VPS53: variants seen among roughly 807,000 people sequenced by gnomAD.
VPS53 encodes the protein VPS53 subunit of GARP complex, also known as vacuolar protein sorting-associated protein 53 homolog.
In VPS53, 70 loss-of-function variants were observed where a neutral mutation model predicts 107.0. The ratio of observed to expected loss-of-function variants is 0.65; its 90% CI spans 0.54 to 0.80. VPS53 has a LOEUF of 0.80. VPS53 is among the 30% of genes least tolerant of loss of function. The pLI, the probability that VPS53 is intolerant of heterozygous loss-of-function variation, is 0.00. For synonymous variants in VPS53, 409 were observed against 393.3 expected, an observed-to-expected ratio of 1.04 and a Z score of -0.47; for missense variants, 917 against 1,049.4, an observed-to-expected ratio of 0.87 and a Z score of 1.74.
chr17:608,423 C>T (rs148022534), intron 11 of VPS53, among the ~76,000 whole-genome samples: 2,364 of 152,128 alleles, frequency 0.016, 24 homozygotes, highest in Middle Eastern at 0.031. Flanking sequence ...GTAAACAAAA[C>T]AAAAAGCCTG....
chr17:544,953 C>G (rs747358256), intron 17 of VPS53, among the ~76,000 whole-genome samples: 91 of 151,972 alleles, frequency 6.0e-4, no homozygotes, highest in Non-Finnish European at 1.9e-4. Context: ...TGGTGGTGTG[C>G]GCCAGTAGTA....
intron 12 of VPS53, among the ~76,000 whole-genome samples, chr17:598,857 C>G (rs1968149311): frequency 1.3e-5 from 1 of 74,466 alleles, no homozygotes; most frequent in African/African-American, 4.7e-5. Context: ...GCCACCCCGT[C>G]CGGGAGGGAG....
At chr17:677,859 C>T (rs1161763182) in intron 4 of VPS53, among the ~76,000 whole-genome samples, 1 of 152,088 alleles carries the variant, frequency 6.6e-6, no homozygotes, top group East Asian at 1.9e-4. Flanking sequence ...GTGGCTCACA[C>T]CTGTAATCCC....
intron 7 of VPS53, among the ~76,000 whole-genome samples, chr17:642,844 G>C (rs71355286): frequency 3.4e-4 from 45 of 132,984 alleles, no homozygotes; most frequent in African/African-American, 1.1e-3. Context: ...TACTTGGAAA[G>C]CGAGGACAAC....
intron 13 of VPS53, among the ~76,000 whole-genome samples, chr17:565,191 C>T (rs899220878): frequency 5.9e-5 from 9 of 151,694 alleles, no homozygotes; most frequent in Non-Finnish European, 1.2e-4. Context: ...CACCTGTGGT[C>T]GGGAGTTTGA....
At chr17:703,596 T>C (rs963033815) in intron 2 of VPS53, among the ~76,000 whole-genome samples, 2 of 152,192 alleles carry the variant, frequency 1.3e-5, no homozygotes, top group African/African-American at 2.4e-5. Context: ...ATAATGTGGT[T>C]GTACAGTTTT....
intron 5 of VPS53, chr17:656,788 A>C: frequency 7.6e-7 from 1 of 1,323,432 alleles, no homozygotes; most frequent in Non-Finnish European, 1.1e-6. Flanking sequence ...TCACCCACGG[A>C]CCATTTCACC....
At chr17:570,030 TAG>T (rs1214813803) in intron 13 of VPS53, among the ~76,000 whole-genome samples, 1 of 151,860 alleles carries the variant, frequency 6.6e-6, no homozygotes, top group East Asian at 1.9e-4. Flanking sequence ...TATTAATAAA[TAG>T]AGATACCCAG....
At position 627,258 on chromosome 17, in the gene VPS53, T is replaced by C. The variant is rs1430282008; in HGVS notation, c.890A>G (p.Asp297Gly). The stretch of plus-strand genomic sequence containing the variant: ...CATGCGGCCGTATTTCTCCTCATAG[T>C]CCACAAGCTGGCGTTTTATCCAGGC... ...RYAWIKRQLVDYEEKYGRMFP... is the reference protein window; with the variant it reads ...RYAWIKRQLVGYEEKYGRMFP... Residue 297 changes from aspartate (D) to glycine (G), a missense_variant, in exon 10 of 22, where the codon GAC (aspartate) becomes GGC (glycine). Asp to Gly is a moderately conservative substitution (Grantham distance 94, BLOSUM62 -1). Coordinates refer to ENST00000437048, the MANE Select transcript of VPS53 (RefSeq NM_001128159.3). 2 of 1,613,946 alleles carry C rather than the reference T, an allele frequency of 1.2e-6. No individual in the cohort carries two copies. The highest frequency in any genetic ancestry group is 1.3e-5 in the African/African-American group (1 of 74,906).
chr17:542,170 C>A lies in VPS53; in HGVS notation c.1867-4994G>T, dbSNP rs1248018712. Among the ~76,000 whole-genome samples the A allele has an allele frequency of 2.6e-5, 4 of 152,256 alleles. No individual in the cohort carries two copies. The East Asian group carries it at 7.7e-4, about 29-fold the overall frequency. ...ACAGGTGCTGTGCCTGACATTTTCA[C>A]ATGACCTTGCTGCCTGATGAATGAA... On this transcript the variant is annotated intron_variant, in intron 17 of 21. Transcript: ENST00000437048.
In VPS53 at chr17:713,755, C is replaced by T. The variant is rs140479593; in HGVS notation, c.87+868G>A. ...TTGCAAAGGCAAGAGTTCCTGCAGG[C>T]AGGGCCGCGCGTGGTGGCTCACGCC... On this transcript the variant is annotated intron_variant, in intron 1 of 21. Transcript: ENST00000437048. 4.0e-5 allele frequency among the ~76,000 whole-genome samples: 6 copies of T among 150,476 alleles called. No homozygotes were observed. In the East Asian group the frequency reaches 1.2e-3, roughly 31 times the overall value.
At position 594,073 on chromosome 17, in the gene VPS53, A is replaced by G. The variant is rs550853687; in HGVS notation, c.1219-7709T>C. ...CTATCGCAAGAACAAAAAACCAAAC[A>G]CCGCATATTCTCACTCACAGGTGGG... On this transcript the variant is annotated intron_variant, in intron 12 of 21. Transcript: ENST00000437048. 1.9e-3 allele frequency among the ~76,000 whole-genome samples: 283 copies of G among 150,490 alleles called. 2 individuals carry two copies. Among genetic ancestry groups the G allele is most frequent in the African/African-American group, 6.8e-3 (280 of 40,952 alleles).
chr17:614,333 A>G (rs1184916143), intron 11 of VPS53, among the ~76,000 whole-genome samples: 2 of 152,218 alleles, frequency 1.3e-5, no homozygotes, highest in African/African-American at 4.8e-5. Flanking sequence ...AAAAAATACA[A>G]TTTCAACCAT....
intron 5 of VPS53, among the ~76,000 whole-genome samples, chr17:661,436 G>A (rs889282926): frequency 1.8e-4 from 26 of 148,426 alleles, no homozygotes; most frequent in African/African-American, 6.4e-4. Context: ...CAGGGGAATC[G>A]CTTGAACCTG....
chr17:547,709 C>T (rs1323341948), intron 17 of VPS53, among the ~76,000 whole-genome samples: 1 of 152,166 alleles, frequency 6.6e-6, no homozygotes, highest in Non-Finnish European at 1.5e-5. Flanking sequence ...GCAATCTTGG[C>T]TCACTACAAC....
chr17:599,334 G>A (rs1310045050), intron 12 of VPS53, among the ~76,000 whole-genome samples: 1 of 152,222 alleles, frequency 6.6e-6, no homozygotes, highest in African/African-American at 2.4e-5. Context: ...GGAAAAGATT[G>A]AGAAATCGGA....
At chr17:621,057 C>T (rs8066036) in intron 11 of VPS53, among the ~76,000 whole-genome samples, 15,082 of 152,136 alleles carry the variant, frequency 0.099, 838 homozygotes, top group East Asian at 0.21. Context: ...AAAAACTATA[C>T]CAGAGTAAAT....
chr17:704,878 T>C (rs1184437453), intron 2 of VPS53, among the ~76,000 whole-genome samples: 2 of 152,250 alleles, frequency 1.3e-5, no homozygotes, highest in African/African-American at 4.8e-5. Flanking sequence ...GCAATTACTA[T>C]CTTTATCCTA....
At chr17:687,635 C>T (rs990256611) in intron 4 of VPS53, among the ~76,000 whole-genome samples, 5 of 151,638 alleles carry the variant, frequency 3.3e-5, no homozygotes, top group East Asian at 3.9e-4. Context: ...CTACTCGGGA[C>T]GCTGAAGTGA....
Sources: allele counts gnomAD v4.1 joint callset (sites outside exome capture counted in the v4.1 genomes callset), GRCh38; gene constraint gnomAD v4.1.1; transcripts MANE v1.5; gene names NCBI Gene and HGNC (gene_info 2026-07-23, HGNC 2026-07-21).